The following SPPL3 variants were observed in gnomAD, a reference collection of about 807,000 sequenced individuals.
SPPL3 encodes signal peptide peptidase-like 3.
SPPL3 carries 5 observed loss-of-function variants against 42.4 expected under a neutral mutation model. The observed-to-expected ratio is 0.12, with a 90% CI of 0.06 to 0.25. The LOEUF is 0.25. Among genes scored for constraint, SPPL3 ranks in the 10% least tolerant of loss-of-function variants. SPPL3 has a pLI of 1.00. For synonymous variants in SPPL3, 195 were observed against 181.8 expected (o/e 1.07, Z -0.58); for missense variants, 235 against 489.0 (o/e 0.48, Z 4.90).
rs141549821 is a variant in SPPL3 at position 120,840,052 on chromosome 12, G to A, written c.24-29166C>T. ...ACCAGACACTTTGGGAGGCCGAGGC[G>A]GGTGGATCACGAGGTCAGGAGTTCA... On this transcript the variant is annotated intron_variant, in intron 1 of 10. Coordinates refer to ENST00000353487, the MANE Select transcript of SPPL3 (RefSeq NM_139015.5). Among the ~76,000 whole-genome samples, 903 of 151,738 alleles carry A rather than the reference G, an allele frequency of 6.0e-3. 11 individuals carry two copies. Among genetic ancestry groups the A allele is most frequent in the African/African-American group, 0.02 (811 of 41,362 alleles).
At chr12:120,812,303 T>C (rs1235375970) in intron 1 of SPPL3, among the ~76,000 whole-genome samples, 1 of 152,084 alleles carries the variant, frequency 6.6e-6, no homozygotes, top group Non-Finnish European at 1.5e-5. Flanking sequence ...GGCTAATTTT[T>C]GTATTTTTAG....
chr12:120,814,703 A>G (rs1870806548), intron 1 of SPPL3, among the ~76,000 whole-genome samples: 1 of 151,816 alleles, frequency 6.6e-6, no homozygotes, highest in South Asian at 2.1e-4. Context: ...CCCAACCCCC[A>G]CCCTCTCAGT....
intron 1 of SPPL3, among the ~76,000 whole-genome samples, chr12:120,839,183 A>G (rs1285878864): frequency 1.1e-4 from 17 of 151,054 alleles, no homozygotes; most frequent in South Asian, 2.1e-4. Flanking sequence ...CAGCCATAAA[A>G]AATGATGAGT....
chr12:120,809,262 G>A (rs530154929), intron 2 of SPPL3, among the ~76,000 whole-genome samples: 2 of 152,144 alleles, frequency 1.3e-5, no homozygotes, highest in South Asian at 2.1e-4. Flanking sequence ...GAAGAATGGC[G>A]TGGACCCAGG....
rs1293744515 is a variant in SPPL3, at chr12:120,773,003, C to T, written c.503-3944G>A. Among the ~76,000 whole-genome samples, 5 of 152,180 alleles carry T rather than the reference C, an allele frequency of 3.3e-5. 1 individual carries two copies. In the South Asian group the frequency reaches 1.0e-3, roughly 32 times the overall value. ...TTTTAAATAAATTCATACAACCAAC[C>T]TGGTAAAATGTATACAAATGCATGT... is the stretch of plus-strand genomic sequence containing the variant. On this transcript the variant is annotated intron_variant, in intron 6 of 10. Transcript: ENST00000353487.
At chr12:120,854,819 G>A (rs1872398289) in intron 1 of SPPL3, among the ~76,000 whole-genome samples, 1 of 152,148 alleles carries the variant, frequency 6.6e-6, no homozygotes, top group Non-Finnish European at 1.5e-5. Flanking sequence ...TCATTACCAA[G>A]TGTTTCCAAA....
intron 3 of SPPL3, 152 bp from the exon 4 acceptor site, chr12:120,784,745 A>C (rs1869661034): frequency 1.9e-6 from 1 of 526,094 alleles, no homozygotes; most frequent in Admixed American, 3.9e-5. Context: ...TTTCTTTCCC[A>C]ACGAGATTAT....
intron 1 of SPPL3, among the ~76,000 whole-genome samples, chr12:120,895,067 T>TC (rs1053982570): frequency 2.3e-4 from 35 of 152,298 alleles, no homozygotes; most frequent in African/African-American, 8.4e-4. Flanking sequence ...GATCATCCAC[T>TC]CTACTGTTCT....
At chr12:120,797,165 TCAAAA>T (rs1851026283) in intron 2 of SPPL3, among the ~76,000 whole-genome samples, 1 of 152,112 alleles carries the variant, frequency 6.6e-6, no homozygotes, top group African/African-American at 2.4e-5. Flanking sequence ...AGACTCCAAC[TCAAAA>T]CAAACAAACA....
chr12:120,821,550 A>G (rs618547), intron 1 of SPPL3, among the ~76,000 whole-genome samples: 146,668 of 152,374 alleles, frequency 0.96, 70,846 homozygotes, highest in East Asian at 1. Flanking sequence ...AAATTATAAT[A>G]CAGCTTTTGA....
intron 1 of SPPL3, among the ~76,000 whole-genome samples, chr12:120,819,372 C>G (rs1791005836): frequency 6.6e-6 from 1 of 152,166 alleles, no homozygotes; most frequent in African/African-American, 2.4e-5. Context: ...CAGATGTTGT[C>G]TCTTTTCATT....
At chr12:120,886,465 T>C (rs1419162895) in intron 1 of SPPL3, among the ~76,000 whole-genome samples, 1 of 152,168 alleles carries the variant, frequency 6.6e-6, no homozygotes, top group Non-Finnish European at 1.5e-5. Flanking sequence ...ATATAACTGA[T>C]ACACAACAGG....
intron 1 of SPPL3, among the ~76,000 whole-genome samples, chr12:120,844,233 A>G (rs1410318179): frequency 6.6e-6 from 1 of 152,176 alleles, no homozygotes; most frequent in Non-Finnish European, 1.5e-5. Flanking sequence ...GGCAAAATCT[A>G]CAGCACAAGT....
intron 1 of SPPL3, among the ~76,000 whole-genome samples, chr12:120,844,638 T>C (rs185238021): frequency 6.2e-4 from 95 of 152,284 alleles, no homozygotes; most frequent in African/African-American, 2.2e-3. Context: ...ATTCCCACCG[T>C]AGGACTATTC....
chr12:120,768,864 T>C, intron 7 of SPPL3, 89 bp downstream of exon 7: 3 of 1,171,058 alleles, frequency 2.6e-6, no homozygotes, highest in Non-Finnish European at 3.7e-6. Context: ...CAAGCCCGAC[T>C]TTGGATACTT....
intron 1 of SPPL3, 44 bp downstream of exon 1, chr12:120,903,801 C>T (rs1555255320): frequency 6.9e-7 from 1 of 1,447,992 alleles, no homozygotes; most frequent in Non-Finnish European, 9.0e-7. Context: ...GCGCCCCGAC[C>T]CCCACCCTTG....
At chr12:120,871,130 CAAA>C (rs71453512) in intron 1 of SPPL3, among the ~76,000 whole-genome samples, 852 of 51,702 alleles carry the variant, frequency 0.016, 21 homozygotes, top group African/African-American at 0.05. Context: ...ACTCCGTCTC[CAAA>C]AAAAAAAAAA....
chr12:120,892,186 C>A (rs554969800), intron 1 of SPPL3, among the ~76,000 whole-genome samples: 4 of 152,154 alleles, frequency 2.6e-5, no homozygotes, highest in Admixed American at 2.0e-4. Flanking sequence ...AATATTCATT[C>A]TTTTACAAAG....
chr12:120,837,254 C>T (rs961158971), intron 1 of SPPL3, among the ~76,000 whole-genome samples: 28 of 152,110 alleles, frequency 1.8e-4, no homozygotes, highest in African/African-American at 6.5e-4. Flanking sequence ...AGTTCTCAAT[C>T]ACAAGCAATA....
Sources: allele counts gnomAD v4.1 joint callset (sites outside exome capture counted in the v4.1 genomes callset), GRCh38; gene constraint gnomAD v4.1.1; transcripts MANE v1.5; gene names NCBI Gene and HGNC (gene_info 2026-07-23, HGNC 2026-07-21).